The following CELSR1 variants were observed in gnomAD, a reference collection of about 807,000 sequenced individuals.
CELSR1 encodes the protein cadherin EGF LAG seven-pass G-type receptor 1, also known as adhesion G protein-coupled receptor C1.
Under a neutral mutation model 249.1 loss-of-function variants are expected in CELSR1, and 110 were observed. That is an observed-to-expected ratio of 0.44 (90% CI 0.38 to 0.52). The LOEUF is 0.52. CELSR1 is among the 20% of genes least tolerant of loss of function. The pLI is 0.00. For missense variants in CELSR1, 4,109 were observed against 4,296.4 expected (o/e 0.96, Z 1.22); for synonymous variants, 2,113 against 1,900.0 (o/e 1.11, Z -2.92).
At chr22:46,435,590 A>G (rs923095393) in intron 4 of CELSR1, among the ~76,000 whole-genome samples, 2 of 152,100 alleles carry the variant, frequency 1.3e-5, no homozygotes, top group African/African-American at 4.8e-5. Flanking sequence ...GCCAGTGTTG[A>G]CATTTTTAAT....
At position 46,440,381 on chromosome 22, in the gene CELSR1, A is replaced by G. The variant is rs956239398; in HGVS notation, c.4184-970T>C. 2.0e-5 allele frequency among the ~76,000 whole-genome samples: 3 copies of G among 152,136 alleles called. No homozygotes were observed. Among genetic ancestry groups the G allele is most frequent in the East Asian group, 3.9e-4 (2 of 5,180 alleles). On this transcript the variant is annotated intron_variant, in intron 2 of 34. Transcript: ENST00000674500. The surrounding 1 kb of genome is among the most constrained non-coding windows in gnomAD (Gnocchi z 4.7). Reference sequence around the variant, plus strand: ...AGTTAGGCTAATTTTTTGTATTTTTAGTAGAGACGGGGATTCACCGTGTTA... The same window carrying G: ...AGTTAGGCTAATTTTTTGTATTTTTGGTAGAGACGGGGATTCACCGTGTTA...
Position 46,394,182 on chromosome 22 carries a change from T to C in CELSR1, c.5924A>G (p.Asp1975Gly), listed in dbSNP as rs1265610945. Residue 1975 changes from aspartate (D) to glycine (G), a missense_variant, in exon 14 of 35, where the codon GAT (aspartate) becomes GGT (glycine). This residue lies in a region of CELSR1 where 1,805 missense variants were observed against 1,831.6 expected (regional missense o/e 0.99). Transcript: ENST00000674500. ...PCHCAVSKGF[D>G]PDCNKTNGQC... ...GCCGTTGGTCTTATTACAGTCGGGA[T>C]CAAAGCCTTTGCTGACGGCACAGTG... The C allele has an allele frequency of 1.2e-6, 2 of 1,614,080 alleles. No individual in the cohort carries two copies. Among genetic ancestry groups the C allele is most frequent in the South Asian group, 2.2e-5 (2 of 91,080 alleles).
At chr22:46,474,501 A>AC (rs1020953349) in intron 1 of CELSR1, among the ~76,000 whole-genome samples, 6 of 151,880 alleles carry the variant, frequency 4.0e-5, no homozygotes, top group African/African-American at 1.5e-4. Context: ...CCTGGTCCTG[A>AC]CCCCTAGACA....
rs4374471 is a variant in CELSR1 at position 46,527,903 on chromosome 22, C to T, written c.3544+5724G>A. On this transcript the variant is annotated intron_variant, in intron 1 of 34. Coordinates refer to ENST00000674500, the MANE Select transcript of CELSR1 (RefSeq NM_001378328.1). The surrounding 1 kb of genome is among the most constrained non-coding windows in gnomAD (Gnocchi z 5.5). Reference sequence around the variant, plus strand: ...CTGAGGTCAGGAGTTGGAGACCAGCCTGGCCAGCATGGTGAAACCCCATCT... The same window carrying T: ...CTGAGGTCAGGAGTTGGAGACCAGCTTGGCCAGCATGGTGAAACCCCATCT... 0.67 allele frequency among the ~76,000 whole-genome samples: 102,217 copies of T among 151,968 alleles called. 35,579 individuals are homozygous for T. The highest frequency in any genetic ancestry group is 0.86 in the African/African-American group (35,777 of 41,466).
At chr22:46,388,607 G>A (rs2079055903) in intron 18 of CELSR1, among the ~76,000 whole-genome samples, 1 of 152,158 alleles carries the variant, frequency 6.6e-6, no homozygotes, top group African/African-American at 2.4e-5. Context: ...TCCCCCATGG[G>A]CTCTGTGTGG....
intron 2 of CELSR1, among the ~76,000 whole-genome samples, chr22:46,461,115 C>T (rs920025840): frequency 1.3e-5 from 2 of 151,952 alleles, no homozygotes; most frequent in East Asian, 1.9e-4. Context: ...TAAATGAGCT[C>T]AATTACCTCC....
In CELSR1 at chr22:46,436,267, C is replaced by T. The variant is rs972833504; in HGVS notation, c.4429G>A (p.Gly1477Ser). The T allele has an allele frequency of 5.0e-6, 8 of 1,613,906 alleles. No homozygotes were observed. The highest frequency in any genetic ancestry group is 2.2e-5 in the South Asian group (2 of 91,082). Residue 1477 changes from glycine (G) to serine (S), a missense_variant, in exon 4 of 35, where the codon GGC (glycine) becomes AGC (serine). This residue lies in a region of CELSR1 where 453 missense variants were observed against 492.0 expected (regional missense o/e 0.92). Transcript: ENST00000674500. This position sits in a 1 kb window ranked among gnomAD's most constrained non-coding sequence, Gnocchi z 5.9. ...AAGCGGCCGTTGTAGAGAAGCAAGCCGTTCCTTTCCTGAGTGGCAAACCTG... is the reference window on the plus strand; with the variant it reads ...AAGCGGCCGTTGTAGAGAAGCAAGCTGTTCCTTTCCTGAGTGGCAAACCTG... ...SLTFATQERN[G>S]LLLYNGRFNE...
Position 46,490,040 on chromosome 22 carries a change from C to T in CELSR1, c.3545-25695G>A, listed in dbSNP as rs1490405484. Among the ~76,000 whole-genome samples, 1 of 152,218 alleles carries T rather than the reference C, an allele frequency of 6.6e-6. No homozygotes were observed. Among genetic ancestry groups the T allele is most frequent in the Admixed American group, 6.5e-5 (1 of 15,280 alleles). On this transcript the variant is annotated intron_variant, in intron 1 of 34. Transcript: ENST00000674500. This position sits in a 1 kb window ranked among gnomAD's most constrained non-coding sequence, Gnocchi z 5.2. ...AGCATCCGCCCCTGCAGTGGGAACACCTAACGTGGCCACCCCACAGGGCTG... is the reference window on the plus strand; with the variant it reads ...AGCATCCGCCCCTGCAGTGGGAACATCTAACGTGGCCACCCCACAGGGCTG...
In CELSR1 at chr22:46,378,693, A is replaced by C. The variant is rs749829793; in HGVS notation, c.7281T>G (p.Ser2427=). The C allele has an allele frequency of 6.2e-6, 10 of 1,612,568 alleles. No homozygotes were observed. The East Asian group carries it at 2.2e-4, about 36-fold the overall frequency. Residue 2427 remains serine, a synonymous_variant, in exon 23 of 35, where the codon TCT becomes TCG. Transcript: ENST00000674500. ...TGGACAGGAGCTCGCAGCCCCGGGC[A>C]GACCACCCTCCCGTCCCACCAACGC... The part of the protein sequence containing the change: ...SLAVGGTGGW[S]ARGCELLSRN...
At chr22:46,416,098 G>T (rs2079397158) in intron 5 of CELSR1, among the ~76,000 whole-genome samples, 1 of 142,310 alleles carries the variant, frequency 7.0e-6, no homozygotes, top group African/African-American at 2.9e-5. Context: ...AATGGTACAG[G>T]TTGCAGAGGG....
intron 24 of CELSR1, among the ~76,000 whole-genome samples, chr22:46,375,647 G>A (rs952371093): frequency 4.0e-5 from 6 of 150,788 alleles, no homozygotes; most frequent in Middle Eastern, 3.4e-3. Flanking sequence ...GGGTTCAAGC[G>A]ATTCTCATGT....
Position 46,391,340 on chromosome 22 carries a change from C to T in CELSR1, c.6149-53G>A. ...CAGCGGGGCACGCCACACCCACGACCACAAACAGGCACCACTGTCTGCATG... is the reference window on the plus strand; with the variant it reads ...CAGCGGGGCACGCCACACCCACGACTACAAACAGGCACCACTGTCTGCATG... On this transcript the variant is annotated intron_variant, in intron 15 of 34. Transcript: ENST00000674500. The surrounding 1 kb of genome is among the most constrained non-coding windows in gnomAD (Gnocchi z 4.3). The T allele has an allele frequency of 6.7e-7, 1 of 1,494,842 alleles. No individual in the cohort carries two copies. The allele number at this position is 1,494,842 out of a possible 1,614,324, so 92.6% of individuals were successfully genotyped here.
At chr22:46,458,381 C>T (rs188785831) in intron 2 of CELSR1, among the ~76,000 whole-genome samples, 87 of 152,262 alleles carry the variant, frequency 5.7e-4, no homozygotes, top group African/African-American at 2.0e-3. Context: ...AAGAAGGGAT[C>T]GTCAGGGCAG....
intron 1 of CELSR1, among the ~76,000 whole-genome samples, chr22:46,487,537 A>AG (rs1455849903): frequency 1.3e-5 from 1 of 76,736 alleles, no homozygotes; most frequent in Non-Finnish European, 2.5e-5. Context: ...CCCACGGGGG[A>AG]GGGGAGTCCA....
rs928658338 is a variant in CELSR1 at position 46,512,855 on chromosome 22, G to A, written c.3544+20772C>T. 3.3e-5 allele frequency among the ~76,000 whole-genome samples: 5 copies of A among 152,160 alleles called. No individual in the cohort carries two copies. Among genetic ancestry groups the A allele is most frequent in the East Asian group, 1.9e-4 (1 of 5,182 alleles). On this transcript the variant is annotated intron_variant, in intron 1 of 34. Transcript: ENST00000674500. This position sits in a 1 kb window ranked among gnomAD's most constrained non-coding sequence, Gnocchi z 5.2. Reference sequence around the variant, plus strand: ...CCACCCTCTTGTTCCTTCCGGGTCCGGGCTTGTCCCCCACAGCACCTGGCT... The same window carrying A: ...CCACCCTCTTGTTCCTTCCGGGTCCAGGCTTGTCCCCCACAGCACCTGGCT...
Position 46,536,461 on chromosome 22 carries a change from G to C in CELSR1, c.710C>G (p.Thr237Arg), listed in dbSNP as rs772449100. Reference protein sequence around the residue: ...AGPARRARRGTSGRGSLKFPM... With the variant: ...AGPARRARRGRSGRGSLKFPM... ...AAACTTCAGGCTCCCTCTGCCGCTC[G>C]TGCCCCGCCGGGCCCGTCGCGCCGG... The change falls in exon 1 of 35, where the codon ACG (threonine) becomes AGG (arginine). Residue 237 changes from threonine (T) to arginine (R), a missense_variant. Physicochemically the swap from Thr to Arg is moderately conservative, Grantham distance 71. Transcript: ENST00000674500. 1.9e-6 allele frequency: 3 copies of C among 1,608,892 alleles called. No homozygotes were observed. The highest frequency in any genetic ancestry group is 2.5e-6 in the Non-Finnish European group (3 of 1,178,316).
chr22:46,483,013 C>A (rs1296177447), intron 1 of CELSR1, among the ~76,000 whole-genome samples: 1 of 152,188 alleles, frequency 6.6e-6, no homozygotes, highest in Non-Finnish European at 1.5e-5. Context: ...AGCCACTCAG[C>A]TGTCTACATA....
In CELSR1 at chr22:46,373,676, T is replaced by TGGGGGAGAAGGGGGAGATGGGGGAGAA. The variant is rs1163452226; in HGVS notation, c.7585-620_7585-619insTTCTCCCCCATCTCCCCCTTCTCCCCC. Among the ~76,000 whole-genome samples, 27 of 26,232 alleles carry TGGGGGAGAAGGGGGAGATGGGGGAGAA rather than the reference T, an allele frequency of 1.0e-3. 1 individual carries two copies. Among genetic ancestry groups the TGGGGGAGAAGGGGGAGATGGGGGAGAA allele is most frequent in the African/African-American group, 2.3e-3 (23 of 9,816 alleles). The allele number at this position is 26,232 out of a possible 152,430, so 17.2% of individuals were successfully genotyped here. ...GGGGAGATGGGGGAGAAGGGGGAGA[T>TGGGGGAGAAGGGGGAGATGGGGGAGAA]GGGGGAGATGGGGGAGAAGGGGGAG... On this transcript the variant is annotated intron_variant, in intron 24 of 34. Coordinates refer to ENST00000674500, the MANE Select transcript of CELSR1 (RefSeq NM_001378328.1).
rs1226421672 is a variant in CELSR1 at position 46,484,069 on chromosome 22, C to G, written c.3545-19724G>C. 6.6e-6 allele frequency among the ~76,000 whole-genome samples: 1 copy of G among 152,218 alleles called. No homozygotes were observed. Among genetic ancestry groups the G allele is most frequent in the Non-Finnish European group, 1.5e-5 (1 of 68,040 alleles). On this transcript the variant is annotated intron_variant, in intron 1 of 34. Coordinates refer to ENST00000674500, the MANE Select transcript of CELSR1 (RefSeq NM_001378328.1). This position sits in a 1 kb window ranked among gnomAD's most constrained non-coding sequence, Gnocchi z 4.5. Reference sequence around the variant, plus strand: ...AACATTCCCAGGCTCCCACGGGCTCCCACGCTCTGCCCTGGCTCTCAGACT... The same window carrying G: ...AACATTCCCAGGCTCCCACGGGCTCGCACGCTCTGCCCTGGCTCTCAGACT...
Sources: allele counts gnomAD v4.1 joint callset (sites outside exome capture counted in the v4.1 genomes callset), GRCh38; gene constraint gnomAD v4.1.1; regional missense constraint gnomAD v4.1.1; non-coding constraint Gnocchi (gnomAD v3.1); transcripts MANE v1.5; gene names NCBI Gene and HGNC (gene_info 2026-07-23, HGNC 2026-07-21).